Variants in KHDRBS2 observed in about 807,000 individuals in gnomAD.
KHDRBS2 encodes the protein KH RNA binding domain containing, signal transduction associated 2.
A neutral mutation model predicts 44.3 loss-of-function variants in KHDRBS2; 26 were observed. That is an observed-to-expected ratio of 0.59 (90% CI 0.43 to 0.81). KHDRBS2 has a LOEUF of 0.81. Among genes scored for constraint, KHDRBS2 ranks in the 40% least tolerant of loss-of-function variants. The probability of loss-of-function intolerance (pLI) is 0.00; values close to 1 mark genes in which losing one functional copy is unlikely to be tolerated. For synonymous variants in KHDRBS2, 194 were observed against 151.1 expected (o/e 1.28, Z -2.08); for missense variants, 476 against 433.1 (o/e 1.10, Z -0.88).
At chr6:61,608,477 T>A in the KHDRBS2 span, among the ~76,000 whole-genome samples, 2 of 152,090 alleles carry the variant, frequency 1.3e-5, no homozygotes, top group Admixed American at 6.6e-5. Context: ...CTGGGATAAA[T>A]GTGCAGAACA....
Position 61,937,671 on chromosome 6 carries a change from G to A in KHDRBS2, c.484-36300C>T, listed in dbSNP as rs1583603918. 2.0e-5 allele frequency among the ~76,000 whole-genome samples: 3 copies of A among 152,184 alleles called. 1 individual carries two copies. Among genetic ancestry groups the A allele is most frequent in the Middle Eastern group, 3.4e-3 (1 of 294 alleles). On this transcript the variant is annotated intron_variant, in intron 4 of 8. Coordinates refer to ENST00000281156, the MANE Select transcript of KHDRBS2 (RefSeq NM_152688.4). ...TGTACTTACAGCCTTGCGCCAGCAGGCTGAAGTTTTTCATTAGGACCTCCT... is the reference window on the plus strand; with the variant it reads ...TGTACTTACAGCCTTGCGCCAGCAGACTGAAGTTTTTCATTAGGACCTCCT...
intron 3 of KHDRBS2, among the ~76,000 whole-genome samples, chr6:61,997,100 A>G (rs1488439025): frequency 1.3e-5 from 2 of 152,116 alleles, no homozygotes. Flanking sequence ...ATATTTTTAA[A>G]CTAAAACATT....
chr6:62,223,359 A>G (rs1335384705), intron 1 of KHDRBS2, among the ~76,000 whole-genome samples: 3 of 152,166 alleles, frequency 2.0e-5, no homozygotes, highest in Non-Finnish European at 4.4e-5. Flanking sequence ...CCTAGGCTGC[A>G]CACAGGTTGG....
intron 6 of KHDRBS2, among the ~76,000 whole-genome samples, chr6:61,847,449 A>G (rs1476250676): frequency 6.6e-6 from 1 of 152,160 alleles, no homozygotes; most frequent in East Asian, 1.9e-4. Flanking sequence ...AGATATGAGA[A>G]GTTTGTTTTC....
chr6:61,749,215 G>A (rs771933502), intron 6 of KHDRBS2, among the ~76,000 whole-genome samples: 8 of 151,616 alleles, frequency 5.3e-5, no homozygotes, highest in South Asian at 2.1e-4. Flanking sequence ...GGGTTCCGCC[G>A]TGTTAGCCAG....
intron 1 of KHDRBS2, among the ~76,000 whole-genome samples, chr6:62,223,324 C>T (rs747868932): frequency 2.0e-5 from 3 of 152,182 alleles, no homozygotes; most frequent in Non-Finnish European, 4.4e-5. Flanking sequence ...ACAGCTGGAG[C>T]AGCTAGGAAG....
the KHDRBS2 span, among the ~76,000 whole-genome samples, chr6:61,582,637 A>T: frequency 1.3e-5 from 2 of 151,732 alleles, no homozygotes; most frequent in African/African-American, 2.4e-5. Context: ...AGCTAGCATA[A>T]CATTCATGAT....
the KHDRBS2 span, among the ~76,000 whole-genome samples, chr6:61,634,596 G>A: frequency 6.6e-6 from 1 of 151,948 alleles, no homozygotes; most frequent in Non-Finnish European, 1.5e-5. Context: ...GTAACTATTA[G>A]CTAAATTCTC....
chr6:62,093,924 T>C (rs918313463), intron 2 of KHDRBS2, among the ~76,000 whole-genome samples: 5 of 150,534 alleles, frequency 3.3e-5, no homozygotes, highest in Non-Finnish European at 5.9e-5. Context: ...ATTCATCCAC[T>C]GATAGACATT....
intron 6 of KHDRBS2, among the ~76,000 whole-genome samples, chr6:61,777,845 G>T (rs1225309756): frequency 6.6e-6 from 1 of 151,820 alleles, no homozygotes; most frequent in Admixed American, 6.6e-5. Context: ...TTATTTATTT[G>T]CTTTCCTTTT....
chr6:61,679,738 C>T (rs987567463), downstream of KHDRBS2, among the ~76,000 whole-genome samples: 2 of 151,944 alleles, frequency 1.3e-5, no homozygotes, highest in South Asian at 2.1e-4. Flanking sequence ...ATGAAGTCCA[C>T]GCACTCCTTT....
chr6:61,580,102 T>C, the KHDRBS2 span, among the ~76,000 whole-genome samples: 2 of 152,042 alleles, frequency 1.3e-5, no homozygotes, highest in Admixed American at 1.3e-4. Flanking sequence ...AAAACAGAGA[T>C]CTTACAGCCA....
chr6:61,579,439 C>T, the KHDRBS2 span, among the ~76,000 whole-genome samples: 1 of 152,134 alleles, frequency 6.6e-6, no homozygotes, highest in Non-Finnish European at 1.5e-5. Context: ...CCTCACACTT[C>T]TCATTTTGTT....
the KHDRBS2 span, among the ~76,000 whole-genome samples, chr6:61,590,487 AT>A: frequency 6.6e-6 from 1 of 152,228 alleles, no homozygotes; most frequent in South Asian, 2.1e-4. Flanking sequence ...AAGTTTATCT[AT>A]ATATCATATA....
intron 3 of KHDRBS2, among the ~76,000 whole-genome samples, chr6:62,012,126 A>G (rs1440746634): frequency 1.3e-5 from 2 of 152,216 alleles, no homozygotes; most frequent in African/African-American, 4.8e-5. Context: ...TCAGCAAGAC[A>G]GCTAAAACTA....
intron 2 of KHDRBS2, among the ~76,000 whole-genome samples, chr6:62,071,561 C>A (rs761974142): frequency 1.3e-5 from 2 of 152,182 alleles, no homozygotes; most frequent in Non-Finnish European, 2.9e-5. Flanking sequence ...CCACATATGG[C>A]TAGCCAGTAT....
the KHDRBS2 span, among the ~76,000 whole-genome samples, chr6:61,647,740 TG>T: frequency 1.3e-5 from 2 of 152,214 alleles, no homozygotes; most frequent in Non-Finnish European, 2.9e-5. Flanking sequence ...AGAGATCTTT[TG>T]TGGGTATGTT....
chr6:61,716,001 G>T (rs1374910887), intron 7 of KHDRBS2, among the ~76,000 whole-genome samples: 1 of 150,472 alleles, frequency 6.6e-6, no homozygotes, highest in South Asian at 2.1e-4. Flanking sequence ...TTCCATTCTC[G>T]AACCATGCTG....
chr6:62,175,204 TAA>T (rs1820846191), intron 2 of KHDRBS2, among the ~76,000 whole-genome samples: 1 of 151,718 alleles, frequency 6.6e-6, no homozygotes, highest in South Asian at 2.1e-4. Context: ...CAAAAAGCTC[TAA>T]AGTTATCTTA....
Sources: gnomAD v4.1 joint callset for allele counts (sites outside exome capture counted in the v4.1 genomes callset) on GRCh38, gnomAD v4.1.1 for gene constraint, MANE v1.5 for transcripts, NCBI Gene and HGNC (gene_info 2026-07-23, HGNC 2026-07-21) for gene names.